The following TTC9 variants were observed in gnomAD, a reference collection of about 807,000 sequenced individuals.
TTC9 encodes tetratricopeptide repeat protein 9A.
A neutral mutation model predicts 22.9 loss-of-function variants in TTC9; 13 were observed. The ratio of observed to expected loss-of-function variants is 0.57; its 90% confidence interval spans 0.37 to 0.90. The LOEUF (loss-of-function observed/expected upper bound fraction) is 0.90. Ranked by LOEUF, TTC9 falls within the 40% of genes least tolerant of loss-of-function variation. The pLI is 0.01. For missense variants in TTC9, 280 were observed against 291.8 expected (o/e 0.96, Z 0.29); for synonymous variants, 148 against 133.2 (o/e 1.11, Z -0.77).
rs1397768359 is a variant in TTC9, at chr14:70,673,842, A to G, written c.*2687A>G. ...ATGATTGTAGCCATCCCATGTAGAA[A>G]GATCAAAAACCAGAACGAAATGAAG... is the stretch of plus-strand genomic sequence containing the variant. On this transcript the variant is annotated 3_prime_UTR_variant, in exon 3 of 3. Transcript: ENST00000256367. 2 of 152,178 alleles carry G rather than the reference A, an allele frequency of 1.3e-5. No homozygotes were observed. The highest frequency in any genetic ancestry group is 4.8e-5 in the African/African-American group (2 of 41,430). The allele number at this position is 152,178 out of a possible 1,614,324, so 9.4% of individuals were successfully genotyped here.
At chr14:70,669,469 T>A (rs1886261635) in intron 2 of TTC9, among the ~76,000 whole-genome samples, 1 of 151,934 alleles carries the variant, frequency 6.6e-6, no homozygotes, top group African/African-American at 2.4e-5. Context: ...TTTGTATAGA[T>A]GAAGTCTTGC....
At chr14:70,656,339 C>T (rs73287918) in intron 1 of TTC9, among the ~76,000 whole-genome samples, 4,815 of 152,096 alleles carry the variant, frequency 0.032, 296 homozygotes, top group African/African-American at 0.11. Flanking sequence ...TATTTTTCAC[C>T]GTTCCACAGC....
intron 1 of TTC9, among the ~76,000 whole-genome samples, chr14:70,654,296 A>T (rs1886026948): frequency 6.6e-6 from 1 of 152,014 alleles, no homozygotes; most frequent in Admixed American, 6.6e-5. Context: ...GTGACTTTTT[A>T]AAAATAGTTT....
At chr14:70,654,648 T>C (rs1886035589) in intron 1 of TTC9, among the ~76,000 whole-genome samples, 1 of 102,978 alleles carries the variant, frequency 9.7e-6, no homozygotes, top group Non-Finnish European at 2.1e-5. Context: ...TAAAGCATCA[T>C]AGTTGCAGAA....
chr14:70,670,402 G>A (rs1208302445), intron 2 of TTC9, among the ~76,000 whole-genome samples: 1 of 152,104 alleles, frequency 6.6e-6, no homozygotes, highest in Non-Finnish European at 1.5e-5. Context: ...TCACGCCTCT[G>A]ATCCCAGCAC....
At chr14:70,667,879 A>C in intron 2 of TTC9, 133 bp downstream of exon 2, 1 of 854,668 alleles carries the variant, frequency 1.2e-6, no homozygotes, top group Non-Finnish European at 1.8e-6. Flanking sequence ...TCAGATATAT[A>C]TGATAAGACC....
chr14:70,642,405 G>A lies in TTC9; in HGVS notation c.276G>A (p.Pro92=), dbSNP rs1555361506. 10 of 1,597,688 alleles carry A rather than the reference G, an allele frequency of 6.3e-6. No individual in the cohort carries two copies. Among genetic ancestry groups the A allele is most frequent in the Non-Finnish European group, 8.5e-6 (10 of 1,173,460 alleles). The change falls in exon 1 of 3, where the codon CCG becomes CCA. Residue 92 remains proline, a synonymous_variant. Transcript: ENST00000256367. ...TGCTGGAGCTGAAGGGGCTGCTGCC[G>A]CCCCCCGGGGAACGGGAGCGGGACT... is the stretch of plus-strand genomic sequence containing the variant. ...RALLELKGLL[P]PPGERERDSR...
At chr14:70,651,458 C>G (rs1480256002) in intron 1 of TTC9, among the ~76,000 whole-genome samples, 1 of 152,138 alleles carries the variant, frequency 6.6e-6, no homozygotes, top group African/African-American at 2.4e-5. Flanking sequence ...TAATGCCATT[C>G]TGGGTATTAT....
At chr14:70,666,866 T>C (rs1424909045) in intron 1 of TTC9, among the ~76,000 whole-genome samples, 2 of 152,168 alleles carry the variant, frequency 1.3e-5, no homozygotes, top group Non-Finnish European at 2.9e-5. Context: ...ATGATGATGA[T>C]GAAGATGATG....
At chr14:70,642,825 T>C (rs1351807095) in intron 1 of TTC9, among the ~76,000 whole-genome samples, 1 of 152,200 alleles carries the variant, frequency 6.6e-6, no homozygotes, top group Non-Finnish European at 1.5e-5. Context: ...TGCTCACCAG[T>C]GGACCTGGGT....
chr14:70,660,492 G>A (rs1181867465), intron 1 of TTC9, among the ~76,000 whole-genome samples: 1 of 152,216 alleles, frequency 6.6e-6, no homozygotes, highest in East Asian at 1.9e-4. Context: ...GTATTTATGA[G>A]AATCCATTTT....
At chr14:70,657,737 G>A (rs71425213) in intron 1 of TTC9, among the ~76,000 whole-genome samples, 36,035 of 152,006 alleles carry the variant, frequency 0.24, 4,573 homozygotes, top group East Asian at 0.46. Flanking sequence ...AGGCCGAGGC[G>A]GGCAGATCAC....
At chr14:70,643,160 A>G (rs576788465) in intron 1 of TTC9, among the ~76,000 whole-genome samples, 1 of 152,132 alleles carries the variant, frequency 6.6e-6, no homozygotes, top group South Asian at 2.1e-4. Context: ...ATCTCAAAAG[A>G]AGCTTGGTTC....
chr14:70,642,456 C>T lies in TTC9; in HGVS notation c.327C>T (p.Ala109=), dbSNP rs775470494. The T allele has an allele frequency of 7.7e-6, 12 of 1,556,660 alleles. No individual in the cohort carries two copies. In the South Asian group the frequency reaches 1.4e-4, roughly 18 times the overall value. The change falls in exon 1 of 3, where the codon GCC becomes GCT. Residue 109 remains alanine, a synonymous_variant. Transcript: ENST00000256367. ...RDSRPASPAG[A]LKPGRLSEEQ... ...CGCGCCCGGCCTCCCCGGCTGGGGC[C>T]CTGAAGCCCGGCCGCCTCTCGGAGG...
chr14:70,642,393 G>A lies in TTC9; in HGVS notation c.264G>A (p.Lys88=). 6.2e-7 allele frequency: 1 copy of A among 1,603,526 alleles called. No individual in the cohort carries two copies. The highest frequency in any genetic ancestry group is 8.5e-7 in the Non-Finnish European group (1 of 1,175,948). ...GKYHRALLEL[K]GLLPPPGERE... ...ACCACCGGGCGTTGCTGGAGCTGAA[G>A]GGGCTGCTGCCGCCCCCCGGGGAAC... Residue 88 remains lysine (K), a synonymous_variant, in exon 1 of 3, where the codon AAG becomes AAA. Coordinates refer to ENST00000256367, the MANE Select transcript of TTC9 (RefSeq NM_015351.2).
At position 70,671,359 on chromosome 14, in the gene TTC9, A is replaced by G; in HGVS notation, c.*204A>G. The G allele has an allele frequency of 2.0e-6, 1 of 493,970 alleles. No individual in the cohort carries two copies. The highest frequency in any genetic ancestry group is 2.1e-5 in the South Asian group (1 of 47,042). The allele number at this position is 493,970 out of a possible 1,614,324, so 30.6% of individuals were successfully genotyped here. A position where few individuals can be genotyped will look rare whatever the true frequency, so the allele number is the denominator to read the frequency against. On this transcript the variant is annotated 3_prime_UTR_variant, in exon 3 of 3. Transcript: ENST00000256367. ...TTGGAATCTGGTAGGTCGCCCAGAC[A>G]ATGGAGACATCCTCTCCTCTAGCAG...
chr14:70,656,460 A>G (rs1849389834), intron 1 of TTC9, among the ~76,000 whole-genome samples: 1 of 152,234 alleles, frequency 6.6e-6, no homozygotes, highest in Non-Finnish European at 1.5e-5. Flanking sequence ...TTACAGCACA[A>G]TGCTGCCAAA....
chr14:70,668,577 G>T (rs551658087), intron 2 of TTC9, among the ~76,000 whole-genome samples: 1 of 152,198 alleles, frequency 6.6e-6, no homozygotes, highest in African/African-American at 2.4e-5. Flanking sequence ...GGCGCTGGGC[G>T]TGGTGGCTCA....
chr14:70,651,796 T>C (rs912097659), intron 1 of TTC9, among the ~76,000 whole-genome samples: 3 of 152,202 alleles, frequency 2.0e-5, no homozygotes, highest in African/African-American at 7.2e-5. Context: ...GTGCTCAGCA[T>C]CCAAGGTTCT....
Sources: allele counts gnomAD v4.1 joint callset (sites outside exome capture counted in the v4.1 genomes callset), GRCh38; gene constraint gnomAD v4.1.1; transcripts MANE v1.5; gene names NCBI Gene and HGNC (gene_info 2026-07-23, HGNC 2026-07-21).